Variants in PAPPA2 observed in about 807,000 individuals in gnomAD.
PAPPA2 encodes the protein pappalysin-2.
PAPPA2 carries 86 observed loss-of-function variants against 176.4 expected under a neutral mutation model. That is an observed-to-expected ratio of 0.49 (90% CI 0.41 to 0.58). PAPPA2 has a LOEUF of 0.58. Among genes scored for constraint, PAPPA2 ranks in the 20% least tolerant of loss-of-function variants. The pLI is 0.00. For synonymous variants in PAPPA2, 809 were observed against 852.2 expected (o/e 0.95, Z 0.88); for missense variants, 2,073 against 2,256.9 (o/e 0.92, Z 1.65).
chr1:176,543,344 G>A (rs1650461976), intron 1 of PAPPA2, among the ~76,000 whole-genome samples: 1 of 152,112 alleles, frequency 6.6e-6, no homozygotes, highest in African/African-American at 2.4e-5. Context: ...ACAAGCACTA[G>A]ACTCTGTTTA....
Position 176,557,107 on chromosome 1 carries a change from T to C in PAPPA2, c.785T>C (p.Ile262Thr). 6.2e-7 allele frequency: 1 copy of C among 1,612,856 alleles called. No homozygotes were observed. ...TTTAACTCCCAAGTAGGACTGCCCA[T>C]CTTATACTTCTCTGGGAGGCGGGAG... The part of the protein sequence containing the change: ...ETFNSQVGLP[I>T]LYFSGRRERL... Residue 262 changes from isoleucine to threonine, a missense_variant, in exon 2 of 23, where the codon ATC becomes ACC. By Grantham distance (89) the Ile-to-Thr change is moderately conservative (BLOSUM62 -1). This residue lies in a region of PAPPA2 where 1,196 missense variants were observed against 1,330.4 expected (regional missense o/e 0.90). Coordinates refer to ENST00000367662, the MANE Select transcript of PAPPA2 (RefSeq NM_020318.3).
intron 14 of PAPPA2, among the ~76,000 whole-genome samples, chr1:176,749,826 A>G (rs1295151741): frequency 6.6e-6 from 1 of 152,172 alleles, no homozygotes; most frequent in Non-Finnish European, 1.5e-5. Context: ...TTTATCATTC[A>G]ATAATATTCC....
At chr1:176,625,167 C>A (rs959381825) in intron 3 of PAPPA2, among the ~76,000 whole-genome samples, 1 of 152,142 alleles carries the variant, frequency 6.6e-6, no homozygotes, top group Non-Finnish European at 1.5e-5. Flanking sequence ...TCACTCTGAC[C>A]CACTGGACAC....
At chr1:176,735,143 T>C (rs1662338281) in intron 12 of PAPPA2, among the ~76,000 whole-genome samples, 1 of 152,082 alleles carries the variant, frequency 6.6e-6, no homozygotes, top group Non-Finnish European at 1.5e-5. Context: ...TTGAGGCTAC[T>C]GTTGTTCAAA....
rs150395183 is a variant in PAPPA2 at position 176,831,991 on chromosome 1, G to A, written c.5203-8182G>A. Among the ~76,000 whole-genome samples the A allele has an allele frequency of 7.8e-3, 1,193 of 152,274 alleles. 58 individuals carry two copies. The highest frequency in any genetic ancestry group is 0.064 in the Admixed American group (985 of 15,300). ...GGTGGTAAAAGTGAATGGGGAAGGA[G>A]GCTCTCAGGGATGGAGCATGCCTGG... is the stretch of plus-strand genomic sequence containing the variant. On this transcript the variant is annotated intron_variant, in intron 21 of 22. Transcript: ENST00000367662.
intron 3 of PAPPA2, among the ~76,000 whole-genome samples, chr1:176,608,538 G>A (rs1316594589): frequency 6.6e-6 from 1 of 152,166 alleles, no homozygotes; most frequent in Non-Finnish European, 1.5e-5. Flanking sequence ...TTTGGGTCAA[G>A]GCCAAGGAAT....
chr1:176,497,694 A>T (rs1221490253), intron 1 of PAPPA2, among the ~76,000 whole-genome samples: 1 of 152,204 alleles, frequency 6.6e-6, no homozygotes, highest in Non-Finnish European at 1.5e-5. Flanking sequence ...ACTGGACCTT[A>T]GTGGGGGTTG....
intron 3 of PAPPA2, among the ~76,000 whole-genome samples, chr1:176,656,048 T>C (rs996997521): frequency 6.6e-6 from 1 of 151,854 alleles, no homozygotes; most frequent in Non-Finnish European, 1.5e-5. Flanking sequence ...CAGAATATTT[T>C]TTTTTCAGAA....
At chr1:176,575,106 A>C (rs1652570581) in intron 2 of PAPPA2, among the ~76,000 whole-genome samples, 3 of 152,138 alleles carry the variant, frequency 2.0e-5, no homozygotes, top group Admixed American at 1.3e-4. Flanking sequence ...TTCTTGCTGG[A>C]TGGCCAAGGA....
At chr1:176,571,976 G>A (rs1026021328) in intron 2 of PAPPA2, among the ~76,000 whole-genome samples, 11 of 152,152 alleles carry the variant, frequency 7.2e-5, no homozygotes, top group Admixed American at 4.6e-4. Flanking sequence ...GATAAACCTC[G>A]AGATGAAGAT....
chr1:176,832,306 T>C (rs1390928709), intron 21 of PAPPA2, among the ~76,000 whole-genome samples: 1 of 152,168 alleles, frequency 6.6e-6, no homozygotes, highest in Non-Finnish European at 1.5e-5. Flanking sequence ...ATTCTGATTG[T>C]TGGTAAGGAG....
Position 176,791,442 on chromosome 1 carries a change from G to A in PAPPA2, c.4980G>A (p.Leu1660=), listed in dbSNP as rs773000091. ...QGECPPPPSE[L]NSVEYKCEQG... is the part of the protein sequence containing the mutation. ...AATGCCCACCACCCCCCTCAGAGCT[G>A]AATTCTGTGGAGTACAAATGTGAAC... The change falls in exon 19 of 23, where the codon CTG becomes CTA. Residue 1660 remains leucine, a synonymous_variant. Transcript: ENST00000367662. The A allele has an allele frequency of 6.2e-7, 1 of 1,613,866 alleles. No individual in the cohort carries two copies. Among genetic ancestry groups the A allele is most frequent in the Non-Finnish European group, 8.5e-7 (1 of 1,179,810 alleles).
At chr1:176,706,570 C>T in intron 10 of PAPPA2, 120 bp downstream of exon 10, 1 of 775,664 alleles carries the variant, frequency 1.3e-6, no homozygotes, top group South Asian at 1.8e-5. Flanking sequence ...CTGATGTGTC[C>T]CTTGTATGCC....
At chr1:176,659,019 A>G (rs1658186451) in intron 3 of PAPPA2, among the ~76,000 whole-genome samples, 1 of 152,052 alleles carries the variant, frequency 6.6e-6, no homozygotes. Flanking sequence ...AAATATTTGG[A>G]TGCATAGGTG....
At chr1:176,654,581 A>T (rs1338327532) in intron 3 of PAPPA2, among the ~76,000 whole-genome samples, 1 of 150,168 alleles carries the variant, frequency 6.7e-6, no homozygotes, top group African/African-American at 2.4e-5. Context: ...TTTTTTCCAT[A>T]TGAATTTTAG....
Position 176,604,644 on chromosome 1 carries a change from G to A in PAPPA2, c.1991+9049G>A, listed in dbSNP as rs1388469025. On this transcript the variant is annotated intron_variant, in intron 3 of 22. Coordinates refer to ENST00000367662, the MANE Select transcript of PAPPA2 (RefSeq NM_020318.3). ...AGCCTAAAATATTTACTATCTGGCC[G>A]TTTATGAAAAAAACTGCCAACCCCT... Among the ~76,000 whole-genome samples, 10 of 152,096 alleles carry A rather than the reference G, an allele frequency of 6.6e-5. No individual in the cohort carries two copies. In the East Asian group the frequency reaches 7.7e-4, roughly 12 times the overall value.
chr1:176,563,838 G>C (rs1295661510), intron 2 of PAPPA2, among the ~76,000 whole-genome samples: 1 of 152,168 alleles, frequency 6.6e-6, no homozygotes, highest in Non-Finnish European at 1.5e-5. Context: ...TGAGGCCACA[G>C]ATCCCTGGGG....
intron 14 of PAPPA2, among the ~76,000 whole-genome samples, chr1:176,750,020 T>C (rs1663095544): frequency 1.3e-5 from 2 of 152,204 alleles, no homozygotes; most frequent in African/African-American, 2.4e-5. Flanking sequence ...GATCATATGG[T>C]TAAGAGGATA....
At chr1:176,679,240 C>T (rs555104635) in intron 4 of PAPPA2, among the ~76,000 whole-genome samples, 9 of 152,228 alleles carry the variant, frequency 5.9e-5, no homozygotes, top group African/African-American at 1.4e-4. Flanking sequence ...TCTATGGTCA[C>T]GTAGACTAAT....
Sources: allele counts gnomAD v4.1 joint callset (sites outside exome capture counted in the v4.1 genomes callset), GRCh38; gene constraint gnomAD v4.1.1; regional missense constraint gnomAD v4.1.1; transcripts MANE v1.5; gene names NCBI Gene and HGNC (gene_info 2026-07-23, HGNC 2026-07-21).